CNTN5: variants seen among roughly 807,000 people sequenced by gnomAD.
CNTN5 encodes the protein contactin 5.
Under a neutral mutation model 129.1 loss-of-function variants are expected in CNTN5, and 77 were observed. That is an observed-to-expected ratio of 0.60 (90% CI 0.50 to 0.72). The LOEUF (loss-of-function observed/expected upper bound fraction) is 0.72. Ranked by LOEUF, CNTN5 falls within the 30% of genes least tolerant of loss-of-function variation. The pLI, the probability that CNTN5 is intolerant of heterozygous loss-of-function variation, is 0.00. For synonymous variants in CNTN5, 509 were observed against 465.6 expected (o/e 1.09, Z -1.20); for missense variants, 1,478 against 1,328.8 (o/e 1.11, Z -1.75).
intron 2 of CNTN5, among the ~76,000 whole-genome samples, chr11:99,379,020 A>G (rs914179932): frequency 1.3e-5 from 2 of 152,078 alleles, no homozygotes; most frequent in Non-Finnish European, 2.9e-5. Flanking sequence ...TAAAATACAT[A>G]CATAAAATAG....
chr11:99,106,953 G>A (rs1407013227), intron 1 of CNTN5, among the ~76,000 whole-genome samples: 3 of 151,918 alleles, frequency 2.0e-5, no homozygotes, highest in South Asian at 2.1e-4. Context: ...CTAATCCTAC[G>A]AGACCAAAAG....
intron 3 of CNTN5, among the ~76,000 whole-genome samples, chr11:99,770,553 T>C (rs1190203093): frequency 6.6e-6 from 1 of 152,100 alleles, no homozygotes; most frequent in Non-Finnish European, 1.5e-5. Context: ...CACTCAATTA[T>C]GTCAATATCT....
chr11:99,228,512 A>G (rs1860813218), intron 1 of CNTN5, among the ~76,000 whole-genome samples: 1 of 152,108 alleles, frequency 6.6e-6, no homozygotes. Context: ...TAGAAAGGAT[A>G]AATACTCCAG....
intron 3 of CNTN5, among the ~76,000 whole-genome samples, chr11:99,802,465 AACCACTGGGTGGCC>A (rs1247327667): frequency 6.6e-6 from 1 of 152,142 alleles, no homozygotes; most frequent in East Asian, 1.9e-4. Flanking sequence ...GCAAGGGAGA[AACCACTGGGTGGCC>A]ACCAAGTGCC....
chr11:99,488,167 T>G (rs1289631953), intron 2 of CNTN5, among the ~76,000 whole-genome samples: 4 of 151,006 alleles, frequency 2.6e-5, no homozygotes, highest in African/African-American at 4.9e-5. Flanking sequence ...AAGTTTTTTT[T>G]TTTTTTTTTT....
At chr11:100,040,246 T>A (rs1425865577) in intron 9 of CNTN5, among the ~76,000 whole-genome samples, 3 of 152,210 alleles carry the variant, frequency 2.0e-5, no homozygotes, top group East Asian at 1.9e-4. Flanking sequence ...CCAGACCCTG[T>A]TTGCCTGGGT....
chr11:100,059,377 G>A (rs1044053902), intron 9 of CNTN5, among the ~76,000 whole-genome samples: 1 of 152,030 alleles, frequency 6.6e-6, no homozygotes, highest in South Asian at 2.1e-4. Context: ...AACTATAGAC[G>A]TGTTTTCTTC....
At chr11:99,724,794 G>A (rs188952616) in intron 3 of CNTN5, among the ~76,000 whole-genome samples, 2 of 152,162 alleles carry the variant, frequency 1.3e-5, no homozygotes, top group Non-Finnish European at 1.5e-5. Flanking sequence ...GACTAAAGGA[G>A]TGAATGTCCC....
intron 3 of CNTN5, among the ~76,000 whole-genome samples, chr11:99,641,638 G>A (rs1158255899): frequency 2.0e-5 from 3 of 152,012 alleles, no homozygotes; most frequent in Admixed American, 1.3e-4. Flanking sequence ...CGGCTAATGG[G>A]GATTTCTGGA....
At chr11:99,847,352 G>A (rs1947732965) in intron 6 of CNTN5, among the ~76,000 whole-genome samples, 1 of 152,166 alleles carries the variant, frequency 6.6e-6, no homozygotes, top group African/African-American at 2.4e-5. Flanking sequence ...CAATGACCAG[G>A]CATGGGAAAT....
intron 1 of CNTN5, among the ~76,000 whole-genome samples, chr11:99,067,440 A>G (rs1053811272): frequency 4.9e-5 from 7 of 142,398 alleles, no homozygotes; most frequent in Admixed American, 1.4e-4. Flanking sequence ...AAAAAAAAAA[A>G]GGTGAAATCT....
chr11:99,262,111 G>A (rs1388524151), intron 1 of CNTN5, among the ~76,000 whole-genome samples: 4 of 151,982 alleles, frequency 2.6e-5, no homozygotes, highest in African/African-American at 9.7e-5. Flanking sequence ...CCTTTAAGCA[G>A]GGATTAAACT....
chr11:99,718,091 C>G (rs1371859426), intron 3 of CNTN5, among the ~76,000 whole-genome samples: 1 of 152,124 alleles, frequency 6.6e-6, no homozygotes, highest in African/African-American at 2.4e-5. Flanking sequence ...TAATAGAATT[C>G]TACTTGGTCA....
chr11:99,444,716 A>T (rs898499285), intron 2 of CNTN5, among the ~76,000 whole-genome samples: 1 of 152,138 alleles, frequency 6.6e-6, no homozygotes. Context: ...ATATATGTAT[A>T]CATATATATT....
intron 1 of CNTN5, among the ~76,000 whole-genome samples, chr11:99,166,835 C>T (rs1240100933): frequency 1.7e-5 from 2 of 115,164 alleles, no homozygotes; most frequent in East Asian, 6.7e-4. Flanking sequence ...GTTTGAAGAA[C>T]ATATTTCGTT....
At chr11:99,852,939 A>T (rs1006600035) in intron 6 of CNTN5, among the ~76,000 whole-genome samples, 5 of 152,208 alleles carry the variant, frequency 3.3e-5, no homozygotes, top group Admixed American at 2.0e-4. Context: ...TTTAAATTTC[A>T]CTTAATTGTG....
chr11:100,090,525 C>CCCTT (rs1255371404), intron 13 of CNTN5, among the ~76,000 whole-genome samples: 22 of 68,540 alleles, frequency 3.2e-4, no homozygotes, highest in South Asian at 8.3e-4. Flanking sequence ...CTCCCTCCCT[C>CCCTT]CCTTCCTTCC....
At chr11:99,615,750 A>T (rs1950739968) in intron 3 of CNTN5, among the ~76,000 whole-genome samples, 1 of 150,526 alleles carries the variant, frequency 6.6e-6, no homozygotes, top group Non-Finnish European at 1.5e-5. Flanking sequence ...TGGATTTTAC[A>T]CATCTTGTTT....
At chr11:100,234,447 T>C (rs967232536) in intron 16 of CNTN5, among the ~76,000 whole-genome samples, 5 of 152,138 alleles carry the variant, frequency 3.3e-5, no homozygotes, top group African/African-American at 1.2e-4. Flanking sequence ...ATATACACCA[T>C]GGAATACTAT....
Sources: gnomAD v4.1 joint callset for allele counts (sites outside exome capture counted in the v4.1 genomes callset) on GRCh38, gnomAD v4.1.1 for gene constraint, MANE v1.5 for transcripts, NCBI Gene and HGNC (gene_info 2026-07-23, HGNC 2026-07-21) for gene names.